The following ADAMTS17 variants were observed in gnomAD, a reference collection of about 807,000 sequenced individuals.
ADAMTS17 encodes the protein ADAM metallopeptidase with thrombospondin type 1 motif 17.
A neutral mutation model predicts 141.5 loss-of-function variants in ADAMTS17; 113 were observed. The observed-to-expected ratio is 0.80, with a 90% CI of 0.69 to 0.93. The LOEUF (loss-of-function observed/expected upper bound fraction) is 0.93, where lower values mean the gene tolerates loss of function less well. Ranked by LOEUF, ADAMTS17 falls within the 40% of genes least tolerant of loss-of-function variation. The pLI, the probability that ADAMTS17 is intolerant of heterozygous loss-of-function variation, is 0.00. For missense variants in ADAMTS17, 1,659 were observed against 1,517.9 expected (o/e 1.09, Z -1.54); for synonymous variants, 768 against 630.6 (o/e 1.22, Z -3.27).
chr15:100,199,538 G>A (rs1288637476), intron 7 of ADAMTS17, 115 bp from the exon 8 acceptor site: 2 of 867,982 alleles, frequency 2.3e-6, no homozygotes, highest in Non-Finnish European at 3.9e-6. Context: ...GGCAACAATG[G>A]TGACTATGAG....
At chr15:100,007,105 G>C (rs1380245544) in intron 18 of ADAMTS17, among the ~76,000 whole-genome samples, 1 of 152,216 alleles carries the variant, frequency 6.6e-6, no homozygotes, top group Non-Finnish European at 1.5e-5. Context: ...CATAAAAACA[G>C]ACAATTTCTT....
intron 2 of ADAMTS17, among the ~76,000 whole-genome samples, chr15:100,339,445 CA>C (rs2046299269): frequency 1.3e-5 from 2 of 152,256 alleles, no homozygotes; most frequent in South Asian, 4.1e-4. Flanking sequence ...AACACTTTGG[CA>C]AAAACAGGAA....
chr15:100,227,362 A>C (rs1457183423), intron 7 of ADAMTS17, among the ~76,000 whole-genome samples: 1 of 152,106 alleles, frequency 6.6e-6, no homozygotes, highest in Non-Finnish European at 1.5e-5. Context: ...TACCCCCTCC[A>C]ATCCTCCCCA....
intron 7 of ADAMTS17, among the ~76,000 whole-genome samples, chr15:100,241,310 C>T (rs888217596): frequency 2.0e-5 from 3 of 152,196 alleles, no homozygotes; most frequent in African/African-American, 7.2e-5. Context: ...GGCAGGTCAC[C>T]TGCCAAAGTT....
intron 12 of ADAMTS17, among the ~76,000 whole-genome samples, chr15:100,125,307 T>G (rs2037673236): frequency 6.6e-6 from 1 of 152,260 alleles, no homozygotes; most frequent in South Asian, 2.1e-4. Context: ...TGTAGAATAC[T>G]TAAATTTTTA....
At chr15:100,090,370 G>C (rs1406647511) in intron 15 of ADAMTS17, among the ~76,000 whole-genome samples, 1 of 152,202 alleles carries the variant, frequency 6.6e-6, no homozygotes, top group Non-Finnish European at 1.5e-5. Flanking sequence ...GGAAACTTTT[G>C]CAACTAACAA....
intron 2 of ADAMTS17, among the ~76,000 whole-genome samples, chr15:100,335,516 G>A (rs1242065161): frequency 6.6e-6 from 1 of 152,170 alleles, no homozygotes; most frequent in Non-Finnish European, 1.5e-5. Flanking sequence ...TCCCAGACAG[G>A]GCCTGCATTG....
intron 8 of ADAMTS17, among the ~76,000 whole-genome samples, chr15:100,155,925 C>T (rs2039413416): frequency 6.6e-6 from 1 of 152,198 alleles, no homozygotes; most frequent in Non-Finnish European, 1.5e-5. Context: ...GAACAGTGAT[C>T]TTAGCTTATA....
intron 11 of ADAMTS17, among the ~76,000 whole-genome samples, chr15:100,132,906 G>T (rs953710978): frequency 2.6e-5 from 4 of 152,184 alleles, no homozygotes; most frequent in African/African-American, 9.7e-5. Flanking sequence ...GTGTATGGCA[G>T]GTGATGTTGT....
At position 100,261,745 on chromosome 15, in the gene ADAMTS17, C is replaced by T. The variant is rs1596386217; in HGVS notation, c.874-109G>A. 3 of 1,261,520 alleles carry T rather than the reference C, an allele frequency of 2.4e-6. No individual in the cohort carries two copies. In the East Asian group the frequency reaches 7.6e-5, roughly 32 times the overall value. The allele number at this position is 1,261,520 out of a possible 1,614,324, so 78.1% of individuals were successfully genotyped here. On this transcript the variant is annotated intron_variant, in intron 5 of 21. Coordinates refer to ENST00000268070, the MANE Select transcript of ADAMTS17 (RefSeq NM_139057.4). ...TGGAGGCAGTCACTCACTGAGACAT[C>T]ATTTGATGACTCACGGCCCTCGAAG...
chr15:100,168,862 C>T lies in ADAMTS17; in HGVS notation c.1182-13542G>A, dbSNP rs551490039. Among the ~76,000 whole-genome samples the T allele has an allele frequency of 7.9e-5, 12 of 152,368 alleles. No individual in the cohort carries two copies. In the East Asian group the frequency reaches 1.5e-3, roughly 20 times the overall value. On this transcript the variant is annotated intron_variant, in intron 8 of 21. Coordinates refer to ENST00000268070, the MANE Select transcript of ADAMTS17 (RefSeq NM_139057.4). ...TGTCCTGCACCCAGGCTGTCTGCTC[C>T]TACCCTCCCGTTGATGTCCCTGATT...
chr15:100,101,720 C>T (rs2418489), intron 14 of ADAMTS17, among the ~76,000 whole-genome samples: 103,097 of 152,120 alleles, frequency 0.68, 35,769 homozygotes, highest in African/African-American at 0.83. Flanking sequence ...GCTGGGGAGT[C>T]TAGTTTTCTC....
chr15:100,244,871 A>G (rs1388361270), intron 7 of ADAMTS17, among the ~76,000 whole-genome samples: 2 of 152,176 alleles, frequency 1.3e-5, no homozygotes, highest in African/African-American at 4.8e-5. Context: ...CAGGACTCAC[A>G]GTGACAGAGG....
chr15:100,131,466 G>A (rs572757360), intron 12 of ADAMTS17, among the ~76,000 whole-genome samples: 3 of 151,892 alleles, frequency 2.0e-5, no homozygotes, highest in Non-Finnish European at 4.4e-5. Flanking sequence ...CCTGAGTTTC[G>A]TGGAACAAAT....
chr15:100,129,620 A>G (rs4374153), intron 12 of ADAMTS17: 77,799 of 152,176 alleles, frequency 0.51, 20,160 homozygotes, highest in Non-Finnish European at 0.54. Context: ...GTGCATGGCT[A>G]TAATCCCAGC....
chr15:100,323,198 T>G (rs1226303089), intron 3 of ADAMTS17, among the ~76,000 whole-genome samples: 1 of 149,792 alleles, frequency 6.7e-6, no homozygotes, highest in Non-Finnish European at 1.5e-5. Flanking sequence ...TTCTGCCACA[T>G]GCTGTGTTTA....
intron 18 of ADAMTS17, among the ~76,000 whole-genome samples, chr15:100,042,936 T>C (rs1267519845): frequency 6.6e-6 from 1 of 152,200 alleles, no homozygotes; most frequent in Non-Finnish European, 1.5e-5. Flanking sequence ...ACATAATACA[T>C]ATATATATGT....
At chr15:100,026,444 T>C (rs1316000640) in intron 18 of ADAMTS17, among the ~76,000 whole-genome samples, 2 of 152,226 alleles carry the variant, frequency 1.3e-5, no homozygotes, top group East Asian at 3.8e-4. Flanking sequence ...AACTCCATCT[T>C]GAATGCTTAT....
At chr15:100,170,656 T>C (rs959818458) in intron 8 of ADAMTS17, among the ~76,000 whole-genome samples, 2 of 152,210 alleles carry the variant, frequency 1.3e-5, no homozygotes, top group Non-Finnish European at 2.9e-5. Flanking sequence ...TCTAGGTCAA[T>C]TGGTTTTCTA....
Sources: gnomAD v4.1 joint callset for allele counts (sites outside exome capture counted in the v4.1 genomes callset) on GRCh38, gnomAD v4.1.1 for gene constraint, MANE v1.5 for transcripts, NCBI Gene and HGNC (gene_info 2026-07-23, HGNC 2026-07-21) for gene names.